The following DCDC2 variants were observed in gnomAD, a reference collection of about 807,000 sequenced individuals.
DCDC2 encodes doublecortin domain containing 2.
Under a neutral mutation model 50.2 loss-of-function variants are expected in DCDC2, and 40 were observed. The observed-to-expected ratio is 0.80, with a 90% CI of 0.62 to 1.04. The LOEUF is 1.04. DCDC2 is among the 50% of genes least tolerant of loss of function. The pLI is 0.00. For synonymous variants in DCDC2, 234 were observed against 210.6 expected (o/e 1.11, Z -0.96); for missense variants, 570 against 581.9 (o/e 0.98, Z 0.21).
chr6:24,213,078 G>GTAGT (rs200582809), intron 7 of DCDC2, among the ~76,000 whole-genome samples: 9 of 151,988 alleles, frequency 5.9e-5, no homozygotes, highest in African/African-American at 1.7e-4. Flanking sequence ...ATACTTTCAA[G>GTAGT]TAAAGATAAT....
At chr6:24,267,704 G>T (rs376031404) in intron 7 of DCDC2, among the ~76,000 whole-genome samples, 1 of 152,116 alleles carries the variant, frequency 6.6e-6, no homozygotes. Flanking sequence ...AAGGGAAAAT[G>T]CAAGATAACA....
At chr6:24,382,100 C>T in the DCDC2 span, among the ~76,000 whole-genome samples, 1 of 152,058 alleles carries the variant, frequency 6.6e-6, no homozygotes, top group Admixed American at 6.5e-5. Context: ...TAAAACTGGG[C>T]AAGCTAAGCT....
At chr6:24,324,199 A>T (rs1437264243) in intron 2 of DCDC2, among the ~76,000 whole-genome samples, 1 of 152,194 alleles carries the variant, frequency 6.6e-6, no homozygotes, top group Non-Finnish European at 1.5e-5. Flanking sequence ...AGAATGCTCA[A>T]GGTTCAGTGA....
intron 6 of DCDC2, among the ~76,000 whole-genome samples, chr6:24,284,603 T>G (rs1214850260): frequency 1.2e-4 from 17 of 144,250 alleles, no homozygotes; most frequent in Non-Finnish European, 2.4e-4. Context: ...AGAGTGAGAC[T>G]CTGTCTCAAA....
At chr6:24,230,048 G>T (rs1008519803) in intron 7 of DCDC2, among the ~76,000 whole-genome samples, 5 of 152,072 alleles carry the variant, frequency 3.3e-5, no homozygotes, top group Non-Finnish European at 7.4e-5. Flanking sequence ...AACAGCTCTT[G>T]CCAGAGTTTT....
chr6:24,182,439 A>T (rs191011350), intron 8 of DCDC2, among the ~76,000 whole-genome samples: 1 of 152,268 alleles, frequency 6.6e-6, no homozygotes, highest in East Asian at 1.9e-4. Context: ...TAGAATATAT[A>T]GGGAACACCT....
intron 8 of DCDC2, among the ~76,000 whole-genome samples, chr6:24,199,795 T>C (rs575777365): frequency 6.6e-6 from 1 of 152,154 alleles, no homozygotes; most frequent in African/African-American, 2.4e-5. Context: ...CTAACTAGAA[T>C]AGCCAGTTTG....
At chr6:24,179,804 A>G (rs1761020713) in intron 8 of DCDC2, among the ~76,000 whole-genome samples, 1 of 150,530 alleles carries the variant, frequency 6.6e-6, no homozygotes, top group Non-Finnish European at 1.5e-5. Flanking sequence ...AATACAAAAA[A>G]TTAGCCAGGC....
intron 2 of DCDC2, among the ~76,000 whole-genome samples, chr6:24,339,574 A>AT (rs759350773): frequency 6.6e-6 from 1 of 152,218 alleles, no homozygotes; most frequent in Non-Finnish European, 1.5e-5. Flanking sequence ...AAGGCTTAAA[A>AT]TAATAGCAGA....
intron 2 of DCDC2, among the ~76,000 whole-genome samples, chr6:24,335,147 C>T (rs1412175646): frequency 1.3e-5 from 2 of 152,116 alleles, no homozygotes; most frequent in African/African-American, 4.8e-5. Flanking sequence ...ACCTGACAGC[C>T]CCCAAAATTG....
At chr6:24,338,529 A>G (rs764507916) in intron 2 of DCDC2, among the ~76,000 whole-genome samples, 10 of 152,172 alleles carry the variant, frequency 6.6e-5, no homozygotes, top group Non-Finnish European at 1.2e-4. Context: ...AGCCTCTCCC[A>G]TCATGAGTGG....
intron 7 of DCDC2, among the ~76,000 whole-genome samples, chr6:24,275,060 C>T (rs945379256): frequency 6.6e-6 from 1 of 152,034 alleles, no homozygotes. Context: ...ATTATGAGTT[C>T]TTACACCCTT....
chr6:24,269,593 T>C (rs1401472741), intron 7 of DCDC2, among the ~76,000 whole-genome samples: 4 of 151,322 alleles, frequency 2.6e-5, no homozygotes, highest in African/African-American at 9.7e-5. Context: ...CACTGAAAAA[T>C]GAAAGTAGTG....
At chr6:24,344,582 C>T (rs1485592048) in intron 2 of DCDC2, among the ~76,000 whole-genome samples, 1 of 152,172 alleles carries the variant, frequency 6.6e-6, no homozygotes, top group African/African-American at 2.4e-5. Flanking sequence ...AGTAAAATCA[C>T]CAATCTTTTA....
intron 2 of DCDC2, among the ~76,000 whole-genome samples, chr6:24,351,609 G>A (rs542501365): frequency 6.6e-6 from 1 of 152,302 alleles, no homozygotes; most frequent in East Asian, 1.9e-4. Flanking sequence ...GTAGGAAGCA[G>A]GATGAAAGAG....
At chr6:24,185,682 TACACATACACACACACACACAC>T (rs1430094204) in intron 8 of DCDC2, among the ~76,000 whole-genome samples, 15 of 74,262 alleles carry the variant, frequency 2.0e-4, no homozygotes, top group South Asian at 9.3e-4. Context: ...CACCCATCCA[TACACATACACACACACACACAC>T]ACACACACAC....
At chr6:24,310,493 CATTAAATGTTGGT>C (rs1439956580) in intron 2 of DCDC2, among the ~76,000 whole-genome samples, 9 of 152,176 alleles carry the variant, frequency 5.9e-5, no homozygotes, top group Non-Finnish European at 1.3e-4. Flanking sequence ...CCTTGGCTCA[CATTAAATGTTGGT>C]ATTTCCCCCC....
intron 2 of DCDC2, among the ~76,000 whole-genome samples, chr6:24,341,647 G>A (rs1252752787): frequency 3.9e-5 from 6 of 152,026 alleles, no homozygotes; most frequent in South Asian, 2.1e-4. Context: ...TTCTGAGTTC[G>A]GTCATAGATG....
At chr6:24,359,394 T>G (rs1386308047), upstream of DCDC2, among the ~76,000 whole-genome samples, 178 of 75,034 alleles carry the variant, frequency 2.4e-3, 3 homozygotes, top group East Asian at 3.0e-3. Context: ...ATATTATATA[T>G]TATATATATT....
Sources: gnomAD v4.1 joint callset for allele counts (sites outside exome capture counted in the v4.1 genomes callset) on GRCh38, gnomAD v4.1.1 for gene constraint, MANE v1.5 for transcripts, NCBI Gene and HGNC (gene_info 2026-07-23, HGNC 2026-07-21) for gene names.